CLYBL: variants seen among roughly 807,000 people sequenced by gnomAD.
CLYBL encodes the protein citramalyl-CoA lyase, also known as citramalyl-CoA lyase, mitochondrial.
CLYBL carries 31 observed loss-of-function variants against 38.9 expected under a neutral mutation model. The ratio of observed to expected loss-of-function variants is 0.80; its 90% CI spans 0.60 to 1.08. The LOEUF is 1.08. Ranked by LOEUF, CLYBL falls within the 50% of genes least tolerant of loss-of-function variation. CLYBL has a pLI of 0.00. For missense variants in CLYBL, 434 were observed against 411.6 expected (o/e 1.05, Z -0.47); for synonymous variants, 171 against 158.6 (o/e 1.08, Z -0.59).
chr13:99,686,822 T>C (rs1320405330), intron 1 of CLYBL, among the ~76,000 whole-genome samples: 1 of 152,174 alleles, frequency 6.6e-6, no homozygotes. Context: ...CAATTTAAAG[T>C]GTCTCAGCCG....
chr13:99,837,451 C>CTT (rs1210144813), intron 2 of CLYBL, among the ~76,000 whole-genome samples: 11 of 151,822 alleles, frequency 7.2e-5, no homozygotes, highest in African/African-American at 2.7e-4. Flanking sequence ...GACCCTGTCT[C>CTT]GAAAATAAAA....
intron 6 of CLYBL, among the ~76,000 whole-genome samples, chr13:99,866,769 A>G (rs769408451): frequency 4.6e-5 from 7 of 152,100 alleles, no homozygotes; most frequent in Non-Finnish European, 7.4e-5. Context: ...GACAGAAGAA[A>G]AATCTCCTAG....
chr13:99,698,165 C>G (rs1378702257), intron 1 of CLYBL, among the ~76,000 whole-genome samples: 1 of 150,446 alleles, frequency 6.6e-6, no homozygotes, highest in Non-Finnish European at 1.5e-5. Flanking sequence ...GACGTTTTGC[C>G]ATGCTGGAGT....
At chr13:99,655,763 C>G (rs2047321172) in intron 1 of CLYBL, among the ~76,000 whole-genome samples, 1 of 152,182 alleles carries the variant, frequency 6.6e-6, no homozygotes, top group Non-Finnish European at 1.5e-5. Context: ...CAGGGATGGC[C>G]TGACATCATG....
chr13:99,722,590 T>C (rs2048411182), intron 1 of CLYBL, among the ~76,000 whole-genome samples: 1 of 152,208 alleles, frequency 6.6e-6, no homozygotes, highest in Non-Finnish European at 1.5e-5. Flanking sequence ...AATGAATGAA[T>C]GCATTTTTCA....
intron 1 of CLYBL, among the ~76,000 whole-genome samples, chr13:99,624,172 A>G (rs1191712282): frequency 6.6e-6 from 1 of 151,990 alleles, no homozygotes; most frequent in Non-Finnish European, 1.5e-5. Context: ...CATTGCACTT[A>G]TGATTTGTCA....
At chr13:99,617,277 T>C (rs1412893936) in intron 1 of CLYBL, among the ~76,000 whole-genome samples, 2 of 151,452 alleles carry the variant, frequency 1.3e-5, no homozygotes, top group East Asian at 3.9e-4. Context: ...CAGTTCACGC[T>C]AAAAATTGGC....
intron 1 of CLYBL, among the ~76,000 whole-genome samples, chr13:99,749,107 G>A (rs2048908502): frequency 6.6e-6 from 1 of 151,764 alleles, no homozygotes; most frequent in Admixed American, 6.6e-5. Flanking sequence ...TTGAACCCTG[G>A]AAGTGGAGGT....
intron 2 of CLYBL, among the ~76,000 whole-genome samples, chr13:99,835,334 A>G (rs1167835925): frequency 1.3e-5 from 2 of 152,176 alleles, no homozygotes; most frequent in African/African-American, 4.8e-5. Context: ...CTCCTCCTCC[A>G]TGTTCATTCA....
intron 3 of CLYBL, among the ~76,000 whole-genome samples, chr13:99,859,776 G>A (rs2051553715): frequency 6.6e-6 from 1 of 152,126 alleles, no homozygotes; most frequent in Admixed American, 6.5e-5. Context: ...AGGGTGGAGG[G>A]GCTAGATTTT....
intron 2 of CLYBL, among the ~76,000 whole-genome samples, chr13:99,854,600 G>A (rs2051412787): frequency 6.6e-6 from 1 of 152,048 alleles, no homozygotes; most frequent in South Asian, 2.1e-4. Context: ...CTCTTCCACT[G>A]GAGTGTAAAA....
chr13:99,733,608 C>T (rs1287350496), intron 1 of CLYBL, among the ~76,000 whole-genome samples: 2 of 152,252 alleles, frequency 1.3e-5, no homozygotes, highest in African/African-American at 2.4e-5. Context: ...TCGACTACCC[C>T]TTGGACTAAT....
chr13:99,753,054 T>G (rs912613464), intron 1 of CLYBL, among the ~76,000 whole-genome samples: 3 of 151,752 alleles, frequency 2.0e-5, no homozygotes, highest in African/African-American at 7.3e-5. Flanking sequence ...GGCTGAGCCT[T>G]GAGGGATGAG....
chr13:99,712,213 A>G (rs2048244919), intron 1 of CLYBL, among the ~76,000 whole-genome samples: 1 of 151,996 alleles, frequency 6.6e-6, no homozygotes, highest in Non-Finnish European at 1.5e-5. Flanking sequence ...TATACCCCTG[A>G]TACACACTTC....
intron 2 of CLYBL, among the ~76,000 whole-genome samples, chr13:99,778,698 T>C (rs1400179343): frequency 6.6e-6 from 1 of 152,154 alleles, no homozygotes; most frequent in Non-Finnish European, 1.5e-5. Flanking sequence ...CTCCTTTTCA[T>C]TGTTAAATGC....
intron 1 of CLYBL, among the ~76,000 whole-genome samples, chr13:99,674,911 A>G (rs187694994): frequency 6.6e-4 from 100 of 152,302 alleles, no homozygotes; most frequent in African/African-American, 1.7e-3. Flanking sequence ...GTGCTTGTCT[A>G]TAATTCCAGC....
chr13:99,679,141 A>G (rs559898053), intron 1 of CLYBL, among the ~76,000 whole-genome samples: 210 of 152,072 alleles, frequency 1.4e-3, no homozygotes, highest in Non-Finnish European at 2.0e-3. Context: ...AAAAATACAA[A>G]AAATTAGCCG....
chr13:99,794,147 G>A (rs180677816), intron 2 of CLYBL, among the ~76,000 whole-genome samples: 16 of 152,278 alleles, frequency 1.1e-4, no homozygotes, highest in Non-Finnish European at 2.1e-4. Flanking sequence ...GTGGCCAGGC[G>A]CCGTGGCTCA....
Position 99,820,178 on chromosome 13 carries a change from A to G in CLYBL, c.250-38683A>G, listed in dbSNP as rs115559468. Among the ~76,000 whole-genome samples, 607 of 152,132 alleles carry G rather than the reference A, an allele frequency of 4.0e-3. 5 individuals are homozygous for G. Among genetic ancestry groups the G allele is most frequent in the African/African-American group, 0.014 (576 of 41,490 alleles). On this transcript the variant is annotated intron_variant, in intron 2 of 8. Transcript: ENST00000339105. ...ATGAGGGAGCTGACACTTCTGCATG[A>G]GCTCAGAGGTCAAAGGGCAGTTTGC...
Sources: allele counts gnomAD v4.1 joint callset (sites outside exome capture counted in the v4.1 genomes callset), GRCh38; gene constraint gnomAD v4.1.1; transcripts MANE v1.5; gene names NCBI Gene and HGNC (gene_info 2026-07-23, HGNC 2026-07-21).